Variants in NPAS2 observed in about 807,000 individuals in gnomAD.
The protein encoded by NPAS2 is neuronal PAS domain-containing protein 2.
A neutral mutation model predicts 107.5 loss-of-function variants in NPAS2; 23 were observed. The ratio of observed to expected loss-of-function variants is 0.21; its 90% CI spans 0.15 to 0.30. The LOEUF (loss-of-function observed/expected upper bound fraction) is 0.30. Ranked by LOEUF, NPAS2 falls within the 10% of genes least tolerant of loss-of-function variation. NPAS2 has a pLI of 1.00. For synonymous variants in NPAS2, 403 were observed against 417.5 expected (o/e 0.97, Z 0.42); for missense variants, 756 against 1,043.3 (o/e 0.72, Z 3.79).
intron 1 of NPAS2, chr2:100,847,194 CAGGG>C (rs1677827556): frequency 1.3e-5 from 2 of 152,096 alleles, no homozygotes; most frequent in Admixed American, 6.5e-5. Context: ...TAAAAATAAA[CAGGG>C]AGGATGATGG....
chr2:100,897,517 A>G (rs926863071), intron 1 of NPAS2, among the ~76,000 whole-genome samples: 1 of 151,956 alleles, frequency 6.6e-6, no homozygotes, highest in Non-Finnish European at 1.5e-5. Flanking sequence ...CCCCTCACCA[A>G]AGCAATCACC....
chr2:100,891,375 T>C (rs912023445), intron 1 of NPAS2, among the ~76,000 whole-genome samples: 1 of 152,128 alleles, frequency 6.6e-6, no homozygotes, highest in Admixed American at 6.5e-5. Context: ...GGGTATGTCC[T>C]ACCAACAAGG....
In NPAS2 at chr2:100,869,807, C is replaced by T. The variant is rs147200461; in HGVS notation, c.-22-34926C>T. The stretch of plus-strand genomic sequence containing the variant: ...CACACAATATCAAAAAGGCTTGGGC[C>T]GGGGCTCCCCTCCTGTGAGCATGCT... On this transcript the variant is annotated intron_variant, in intron 1 of 20. Transcript: ENST00000335681. Among the ~76,000 whole-genome samples the T allele has an allele frequency of 2.4e-3, 359 of 152,168 alleles. 3 individuals carry two copies. The highest frequency in any genetic ancestry group is 8.2e-3 in the African/African-American group (341 of 41,510).
chr2:100,883,068 A>C (rs997435590), intron 1 of NPAS2, among the ~76,000 whole-genome samples: 1 of 152,238 alleles, frequency 6.6e-6, no homozygotes, highest in Non-Finnish European at 1.5e-5. Flanking sequence ...AAACAGCTCC[A>C]CAGCAGTGTC....
intron 2 of NPAS2, among the ~76,000 whole-genome samples, chr2:100,908,095 G>T (rs138667112): frequency 1.3e-5 from 2 of 152,094 alleles, no homozygotes; most frequent in Admixed American, 6.6e-5. Context: ...CAGGAAGTGC[G>T]CAGGGTTAGA....
chr2:100,893,925 A>G (rs1681242656), intron 1 of NPAS2, among the ~76,000 whole-genome samples: 1 of 152,170 alleles, frequency 6.6e-6, no homozygotes, highest in African/African-American at 2.4e-5. Context: ...GAGTGGAGTA[A>G]CATGCCTTTC....
At chr2:100,956,925 C>T (rs1675604931) in intron 7 of NPAS2, among the ~76,000 whole-genome samples, 1 of 152,244 alleles carries the variant, frequency 6.6e-6, no homozygotes, top group African/African-American at 2.4e-5. Flanking sequence ...ACGTTACACT[C>T]TCCAACTGGA....
chr2:100,875,908 T>C (rs1425261738), intron 1 of NPAS2, among the ~76,000 whole-genome samples: 3 of 152,150 alleles, frequency 2.0e-5, no homozygotes, highest in Non-Finnish European at 4.4e-5. Flanking sequence ...AGCCACGTGA[T>C]ATTAGCACAG....
chr2:100,842,081 G>GCGCGCGCACACACACACA lies in NPAS2; in HGVS notation c.-23+21668_-23+21669insGCGCGCACACACACACAC. Among the ~76,000 whole-genome samples, 199 of 148,896 alleles carry GCGCGCGCACACACACACA rather than the reference G, an allele frequency of 1.3e-3. 1 individual carries two copies. The highest frequency in any genetic ancestry group is 5.1e-3 in the Admixed American group (76 of 14,956). ...TTCATGCATGAGTGTGCATGTACGC[G>GCGCGCGCACACACACACA]CACACACACACACACACACACACAC... On this transcript the variant is annotated intron_variant, in intron 1 of 20. Coordinates refer to ENST00000335681, the MANE Select transcript of NPAS2 (RefSeq NM_002518.4).
intron 4 of NPAS2, among the ~76,000 whole-genome samples, chr2:100,936,543 G>T (rs1439450496): frequency 4.6e-5 from 7 of 152,088 alleles, no homozygotes. Flanking sequence ...CCCCTCACTG[G>T]CACACCCTAG....
intron 14 of NPAS2, among the ~76,000 whole-genome samples, chr2:100,975,852 C>A (rs747540184): frequency 6.6e-5 from 10 of 152,164 alleles, no homozygotes; most frequent in Non-Finnish European, 1.3e-4. Context: ...CCTCATACCC[C>A]CAGAGCCCCT....
chr2:100,876,422 G>A (rs1679972569), intron 1 of NPAS2, among the ~76,000 whole-genome samples: 1 of 152,242 alleles, frequency 6.6e-6, no homozygotes, highest in Non-Finnish European at 1.5e-5. Flanking sequence ...AGGGCTTCAG[G>A]AGAACGTAGA....
At chr2:100,935,712 A>G (rs577201277) in intron 4 of NPAS2, among the ~76,000 whole-genome samples, 4 of 152,334 alleles carry the variant, frequency 2.6e-5, no homozygotes, top group African/African-American at 7.2e-5. Flanking sequence ...TGCTTTTTCC[A>G]GAAAAGTCTC....
chr2:100,948,062 G>A (rs1675010279), intron 5 of NPAS2, among the ~76,000 whole-genome samples, 173 bp from the exon 6 acceptor site: 1 of 152,142 alleles, frequency 6.6e-6, no homozygotes, highest in African/African-American at 2.4e-5. Flanking sequence ...AGCCCTTTAG[G>A]TTACTATTTA....
intron 12 of NPAS2, among the ~76,000 whole-genome samples, chr2:100,973,943 A>G (rs1314878097): frequency 6.6e-6 from 1 of 152,052 alleles, no homozygotes; most frequent in Non-Finnish European, 1.5e-5. Flanking sequence ...CGAAGTTCAA[A>G]CCATTCTCCT....
intron 1 of NPAS2, among the ~76,000 whole-genome samples, chr2:100,866,710 A>T (rs530714682): frequency 6.6e-6 from 1 of 152,358 alleles, no homozygotes; most frequent in South Asian, 2.1e-4. Context: ...AAATGCTGTT[A>T]TGCACTAGAT....
chr2:100,840,613 T>TC (rs974255807), intron 1 of NPAS2, among the ~76,000 whole-genome samples: 2 of 151,976 alleles, frequency 1.3e-5, no homozygotes, highest in African/African-American at 4.8e-5. Flanking sequence ...ATTTTTTTTT[T>TC]TAATCTTAAC....
intron 1 of NPAS2, among the ~76,000 whole-genome samples, chr2:100,870,103 G>A (rs1253562191): frequency 1.3e-5 from 2 of 151,974 alleles, no homozygotes; most frequent in Non-Finnish European, 2.9e-5. Context: ...GTTTCACCGT[G>A]TTAGCCAGGA....
In NPAS2 at chr2:100,968,121, C is replaced by T. The variant is rs117593797; in HGVS notation, c.908-160C>T. On this transcript the variant is annotated intron_variant, in intron 10 of 20. Coordinates refer to ENST00000335681, the MANE Select transcript of NPAS2 (RefSeq NM_002518.4). This position sits in a 1 kb window ranked among gnomAD's most constrained non-coding sequence, Gnocchi z 5.3. ...TGTTTAAGAATTCACGACAGTGTAC[C>T]GTGATCCTGACAGTCACTTAAAATA... 1.4e-3 allele frequency among the ~76,000 whole-genome samples: 209 copies of T among 152,278 alleles called. 5 individuals are homozygous for T. The East Asian group carries it at 0.033, about 24-fold the overall frequency.
Sources: allele counts gnomAD v4.1 joint callset (sites outside exome capture counted in the v4.1 genomes callset), GRCh38; gene constraint gnomAD v4.1.1; non-coding constraint Gnocchi (gnomAD v3.1); transcripts MANE v1.5; gene names NCBI Gene and HGNC (gene_info 2026-07-23, HGNC 2026-07-21).